Variants in GEMIN5 observed in about 807,000 individuals in gnomAD.
The protein encoded by GEMIN5 is gem nuclear organelle associated protein 5.
GEMIN5 carries 124 observed loss-of-function variants against 176.9 expected under a neutral mutation model. The ratio of observed to expected loss-of-function variants is 0.70; its 90% confidence interval spans 0.61 to 0.81. The LOEUF is 0.81. Among genes scored for constraint, GEMIN5 ranks in the 40% least tolerant of loss-of-function variants. The pLI is 0.00. For missense variants in GEMIN5, 1,843 were observed against 1,814.6 expected, an observed-to-expected ratio of 1.02 and a Z score of -0.28; for synonymous variants, 673 against 665.2, an observed-to-expected ratio of 1.01 and a Z score of -0.18.
chr5:154,891,597 CCAGACACTG>C lies in GEMIN5; in HGVS notation c.3897_3905del (p.Ser1300_Trp1302del). On this transcript the variant is annotated inframe_deletion, in exon 26 of 28. Transcript: ENST00000285873. ...AGAGTGTTCTGTGACCAGCCCTTACCCAGACACTGGAATTTGGGCAAGGTCTGGAGAGAG... is the reference window on the plus strand; with the variant it reads ...AGAGTGTTCTGTGACCAGCCCTTACCGAATTTGGGCAAGGTCTGGAGAGAG... The C allele has an allele frequency of 6.2e-7, 1 of 1,614,158 alleles. No homozygotes were observed. The highest frequency in any genetic ancestry group is 1.7e-5 in the Admixed American group (1 of 60,016).
In GEMIN5 at chr5:154,912,915, T is replaced by C. The variant is rs148342568; in HGVS notation, c.1979A>G (p.Tyr660Cys). 81 of 1,613,730 alleles carry C rather than the reference T, an allele frequency of 5.0e-5. No homozygotes were observed. The African/African-American group carries it at 8.8e-4, about 18-fold the overall frequency. Reference protein sequence around the residue: ...HHDGRLVSASYDGTAQVWDAL... With the variant: ...HHDGRLVSASCDGTAQVWDAL... Reference sequence around the variant, plus strand: ...CAATAGTACCTGGGCTGTACCATCATAGGAAGCAGATACCAGCCTTCCATC... The same window carrying C: ...CAATAGTACCTGGGCTGTACCATCACAGGAAGCAGATACCAGCCTTCCATC... The change falls in exon 14 of 28, where the codon TAT becomes TGT. Residue 660 changes from tyrosine to cysteine, a missense_variant. Physicochemically the swap from Tyr to Cys is radical, Grantham distance 194. Transcript: ENST00000285873.
chr5:154,909,084 G>A (rs1408598773), intron 15 of GEMIN5, among the ~76,000 whole-genome samples: 1 of 150,176 alleles, frequency 6.7e-6, no homozygotes, highest in Non-Finnish European at 1.5e-5. Flanking sequence ...TCAGCCTCTT[G>A]AATAGCTGGG....
intron 11 of GEMIN5, among the ~76,000 whole-genome samples, chr5:154,919,183 T>C (rs1425426370): frequency 6.7e-6 from 1 of 150,184 alleles, no homozygotes; most frequent in Non-Finnish European, 1.5e-5. Flanking sequence ...ATACAAAAAT[T>C]AGCTGGGCAT....
intron 18 of GEMIN5, 93 bp downstream of exon 18, chr5:154,904,414 T>C (rs1034395281): frequency 1.8e-6 from 2 of 1,110,094 alleles, no homozygotes; most frequent in Non-Finnish European, 2.7e-6. Flanking sequence ...AATTTAGACA[T>C]TTCTTTGGGC....
chr5:154,925,457 T>C (rs2113503063), intron 8 of GEMIN5, among the ~76,000 whole-genome samples: 1 of 152,364 alleles, frequency 6.6e-6, no homozygotes, highest in East Asian at 1.9e-4. Flanking sequence ...CATACTGTTT[T>C]ATAACCTGCT....
At chr5:154,895,985 C>A in intron 24 of GEMIN5, 107 bp downstream of exon 24, 2 of 1,353,588 alleles carry the variant, frequency 1.5e-6, no homozygotes, top group Non-Finnish European at 1.0e-6. Flanking sequence ...TTAGCCTTTT[C>A]TGAAACACAG....
At chr5:154,916,934 A>T (rs1247811561) in intron 13 of GEMIN5, 64 bp downstream of exon 13, 2 of 834,654 alleles carry the variant, frequency 2.4e-6, no homozygotes, top group Non-Finnish European at 3.5e-6. Flanking sequence ...AAAGTAACAA[A>T]GATTAGAATG....
At chr5:154,935,312 G>T (rs1476597523) in intron 3 of GEMIN5, among the ~76,000 whole-genome samples, 1 of 152,134 alleles carries the variant, frequency 6.6e-6, no homozygotes, top group Admixed American at 6.5e-5. Flanking sequence ...AACATTCTAG[G>T]GAAATTGCTT....
chr5:154,912,153 G>A (rs1404236963), intron 14 of GEMIN5, among the ~76,000 whole-genome samples: 2 of 152,172 alleles, frequency 1.3e-5, no homozygotes, highest in Non-Finnish European at 2.9e-5. Context: ...GGTGTCCCAT[G>A]GATTTCACTG....
At chr5:154,922,253 C>T (rs1375281373) in intron 9 of GEMIN5, among the ~76,000 whole-genome samples, 2 of 152,138 alleles carry the variant, frequency 1.3e-5, no homozygotes, top group African/African-American at 4.8e-5. Context: ...CTGCAAGCTC[C>T]GCCTCCTGGG....
chr5:154,937,931 A>T, intron 1 of GEMIN5, 37 bp downstream of exon 1: 1 of 1,516,562 alleles, frequency 6.6e-7, no homozygotes, highest in Non-Finnish European at 8.8e-7. Context: ...GAGCGTACAA[A>T]GGGCAGTAAG....
intron 5 of GEMIN5, 146 bp downstream of exon 5, chr5:154,931,312 G>T: frequency 1.5e-6 from 1 of 681,832 alleles, no homozygotes; most frequent in Non-Finnish European, 2.4e-6. Flanking sequence ...TCTAGGCCAG[G>T]CTCAAATGAG....
intron 16 of GEMIN5, among the ~76,000 whole-genome samples, chr5:154,906,196 AT>A (rs1333742882): frequency 6.6e-6 from 1 of 151,882 alleles, no homozygotes; most frequent in Non-Finnish European, 1.5e-5. Flanking sequence ...GGGGTTCCCT[AT>A]GTTGCTTAGG....
chr5:154,923,737 T>C (rs1415438192), intron 9 of GEMIN5, among the ~76,000 whole-genome samples: 1 of 152,232 alleles, frequency 6.6e-6, no homozygotes, highest in East Asian at 1.9e-4. Context: ...AACAGTGTTG[T>C]TCAATAAGGT....
At chr5:154,901,552 A>C in intron 20 of GEMIN5, 66 bp from the exon 21 acceptor site, 1 of 1,495,378 alleles carries the variant, frequency 6.7e-7, no homozygotes, top group Non-Finnish European at 9.2e-7. Flanking sequence ...TACCCAGTAC[A>C]TTTGGGTTGA....
At position 154,918,001 on chromosome 5, in the gene GEMIN5, T is replaced by G; in HGVS notation, c.1603A>C (p.Lys535Gln). The part of the protein sequence containing the change: ...LIRDTNSIKY[K>Q]LPVHTEISWK... ...CTTATCTCTGTGTGTACAGGCAATT[T>G]GTACTAGAAAGCAAAACAAACCAAT... The change falls in exon 12 of 28, where the codon AAA (lysine) becomes CAA (glutamine). Residue 535 changes from lysine (K) to glutamine (Q), a missense_variant. Lys to Gln is a moderately conservative substitution (Grantham distance 53). Coordinates refer to ENST00000285873, the MANE Select transcript of GEMIN5 (RefSeq NM_015465.5). 6.2e-7 allele frequency: 1 copy of G among 1,607,422 alleles called. No homozygotes were observed. Among genetic ancestry groups the G allele is most frequent in the Non-Finnish European group, 8.5e-7 (1 of 1,174,120 alleles).
chr5:154,897,689 G>T (rs1053087345), intron 23 of GEMIN5, among the ~76,000 whole-genome samples: 1 of 152,278 alleles, frequency 6.6e-6, no homozygotes, highest in South Asian at 2.1e-4. Context: ...ATTTCGCCAT[G>T]TTGGCCAGGC....
At chr5:154,889,456 C>T (rs746573343) in intron 26 of GEMIN5, 39 bp from the exon 27 acceptor site, 8 of 1,136,468 alleles carry the variant, frequency 7.0e-6, no homozygotes, top group Middle Eastern at 2.0e-4. Context: ...GTATGTCTTG[C>T]CCTGGGTAAC....
chr5:154,888,404 T>C, intron 27 of GEMIN5, 27 bp from the exon 28 acceptor site: 1 of 1,601,024 alleles, frequency 6.2e-7, no homozygotes, highest in Middle Eastern at 1.8e-4. Context: ...TGAGGATGAA[T>C]AAGGAAGCAT....
Sources: allele counts gnomAD v4.1 joint callset (sites outside exome capture counted in the v4.1 genomes callset), GRCh38; gene constraint gnomAD v4.1.1; transcripts MANE v1.5; gene names NCBI Gene and HGNC (gene_info 2026-07-23, HGNC 2026-07-21).